FERMT2: variants seen among roughly 807,000 people sequenced by gnomAD.
FERMT2 encodes the protein FERM domain containing kindlin 2, also known as fermitin family homolog 2.
FERMT2 carries 15 observed loss-of-function variants against 82.7 expected under a neutral mutation model. That is an observed-to-expected ratio of 0.18 (90% CI 0.12 to 0.28). The LOEUF (loss-of-function observed/expected upper bound fraction) is 0.28, where lower values mean the gene tolerates loss of function less well. Among genes scored for constraint, FERMT2 ranks in the 10% least tolerant of loss-of-function variants. The pLI is 1.00. For synonymous variants in FERMT2, 274 were observed against 271.5 expected, an observed-to-expected ratio of 1.01 and a Z score of -0.09; for missense variants, 645 against 809.4, an observed-to-expected ratio of 0.80 and a Z score of 2.46.
chr14:52,917,529 CCT>C (rs1566749189), intron 3 of FERMT2, among the ~76,000 whole-genome samples: 1 of 151,714 alleles, frequency 6.6e-6, no homozygotes, highest in Non-Finnish European at 1.5e-5. Flanking sequence ...TAATAAAAAC[CCT>C]GTTTCACTTT....
intron 3 of FERMT2, among the ~76,000 whole-genome samples, chr14:52,916,266 C>T (rs757157184): frequency 6.6e-6 from 1 of 151,692 alleles, no homozygotes; most frequent in African/African-American, 2.4e-5. Context: ...ATTGCTTGAA[C>T]CCGGGAAGTG....
intron 2 of FERMT2, among the ~76,000 whole-genome samples, chr14:52,936,335 T>C (rs1007220289): frequency 3.9e-5 from 6 of 152,226 alleles, no homozygotes; most frequent in African/African-American, 1.4e-4. Flanking sequence ...AAATTATTTC[T>C]TGAAATCCAA....
intron 3 of FERMT2, among the ~76,000 whole-genome samples, chr14:52,913,067 C>T (rs892669269): frequency 3.3e-5 from 5 of 152,018 alleles, no homozygotes; most frequent in Admixed American, 1.3e-4. Context: ...ACAAATATTA[C>T]ATATTAAATT....
At chr14:52,938,920 T>C (rs1889968333) in intron 2 of FERMT2, among the ~76,000 whole-genome samples, 1 of 152,166 alleles carries the variant, frequency 6.6e-6, no homozygotes. Flanking sequence ...AGTGAGTCTA[T>C]AATTTTGTAT....
chr14:52,899,750 C>T (rs185905238), intron 3 of FERMT2, among the ~76,000 whole-genome samples: 182 of 152,246 alleles, frequency 1.2e-3, no homozygotes, highest in Non-Finnish European at 2.0e-3. Context: ...ACAAAGTAAA[C>T]CTAACTCTCC....
chr14:52,925,722 T>A (rs1433343298), intron 2 of FERMT2, among the ~76,000 whole-genome samples: 1 of 152,118 alleles, frequency 6.6e-6, no homozygotes, highest in Non-Finnish European at 1.5e-5. Context: ...CATTGCAACC[T>A]CCACTTCCCG....
At chr14:52,871,826 T>C (rs1331565383) in intron 10 of FERMT2, 1 of 152,366 alleles carries the variant, frequency 6.6e-6, no homozygotes, top group Non-Finnish European at 1.5e-5. Context: ...CAGACCCTAG[T>C]TCTGAGATAG....
chr14:52,898,163 A>T (rs1887411029), intron 3 of FERMT2, among the ~76,000 whole-genome samples: 1 of 152,172 alleles, frequency 6.6e-6, no homozygotes, highest in African/African-American at 2.4e-5. Context: ...AGGTAAATAT[A>T]ACTGCTCTTT....
chr14:52,858,295 C>CT lies in FERMT2; in HGVS notation c.*81dup. 4 of 1,239,510 alleles carry CT rather than the reference C, an allele frequency of 3.2e-6. No homozygotes were observed. The highest frequency in any genetic ancestry group is 2.1e-5 in the Admixed American group (1 of 48,746). The allele number at this position is 1,239,510 out of a possible 1,614,324, so 76.8% of individuals were successfully genotyped here. On this transcript the variant is annotated 3_prime_UTR_variant, in exon 15 of 15. Coordinates refer to ENST00000341590, the MANE Select transcript of FERMT2 (RefSeq NM_006832.3). Reference sequence around the variant, plus strand: ...GATAAAATGATAAATTTCAAGCTTACTTTATTAAGCAGCATATAACAAACA... The same window carrying CT: ...GATAAAATGATAAATTTCAAGCTTACTTTTATTAAGCAGCATATAACAAACA...
intron 2 of FERMT2, among the ~76,000 whole-genome samples, chr14:52,930,668 T>C (rs1566757590): frequency 6.6e-6 from 1 of 152,134 alleles, no homozygotes; most frequent in Non-Finnish European, 1.5e-5. Context: ...CCAGATACAA[T>C]TTGTTGTTGT....
At chr14:52,907,244 C>G (rs968973141) in intron 3 of FERMT2, among the ~76,000 whole-genome samples, 2 of 152,082 alleles carry the variant, frequency 1.3e-5, no homozygotes, top group African/African-American at 4.8e-5. Context: ...AACCCCTGGG[C>G]TCAGGTGATC....
intron 4 of FERMT2, among the ~76,000 whole-genome samples, chr14:52,883,987 A>ATT (rs1413873114): frequency 2.0e-5 from 3 of 152,226 alleles, no homozygotes; most frequent in Non-Finnish European, 4.4e-5. Flanking sequence ...CTGTGAGCCA[A>ATT]TTAAACCTCT....
intron 2 of FERMT2, among the ~76,000 whole-genome samples, chr14:52,948,817 C>T (rs1890480661): frequency 6.6e-6 from 1 of 152,010 alleles, no homozygotes; most frequent in Non-Finnish European, 1.5e-5. Flanking sequence ...CCTTTTTTTG[C>T]AATATAAAAA....
At chr14:52,915,907 C>A (rs1188740725) in intron 3 of FERMT2, among the ~76,000 whole-genome samples, 2 of 152,142 alleles carry the variant, frequency 1.3e-5, no homozygotes, top group African/African-American at 4.8e-5. Context: ...GAAGAATGGA[C>A]GAACAGACAT....
intron 2 of FERMT2, among the ~76,000 whole-genome samples, chr14:52,929,145 CTTA>C (rs1889446950): frequency 6.6e-6 from 1 of 152,132 alleles, no homozygotes; most frequent in Non-Finnish European, 1.5e-5. Context: ...TATCCCTACT[CTTA>C]TTATACTAAC....
In FERMT2 at chr14:52,875,367, G is replaced by T. The variant is rs770246548; in HGVS notation, c.964-10C>A. 4.5e-6 allele frequency: 7 copies of T among 1,553,638 alleles called. No individual in the cohort carries two copies. The highest frequency in any genetic ancestry group is 4.4e-6 in the Non-Finnish European group (5 of 1,135,796). On this transcript the variant is annotated splice_polypyrimidine_tract_variant and intron_variant, in intron 7 of 14. Transcript: ENST00000341590. ...GCTTATTGATATGATACTGAAACCA[G>T]AATTATTTTATTAAAATAATTGCTA...
Position 52,872,849 on chromosome 14 carries a change from T to C in FERMT2, c.1223A>G (p.Lys408Arg). 6.2e-7 allele frequency: 1 copy of C among 1,613,980 alleles called. No individual in the cohort carries two copies. Among genetic ancestry groups the C allele is most frequent in the Non-Finnish European group, 8.5e-7 (1 of 1,179,888 alleles). Reference protein sequence around the residue: ...TFKDTSISCYKSKEESSGTPA... With the variant: ...TFKDTSISCYRSKEESSGTPA... ...TGTGCCACTGGATTCTTCTTTGCTC[T>C]TATAACAAGAAATGGATGTGTCTTT... The change falls in exon 10 of 15, where the codon AAG becomes AGG. Residue 408 changes from lysine (K) to arginine (R), a missense_variant. By Grantham distance (26) the Lys-to-Arg change is conservative. Transcript: ENST00000341590.
Position 52,889,549 on chromosome 14 carries a change from C to CA in FERMT2, c.526+3743dup, listed in dbSNP as rs373318405. On this transcript the variant is annotated intron_variant, in intron 4 of 14. Coordinates refer to ENST00000341590, the MANE Select transcript of FERMT2 (RefSeq NM_006832.3). The stretch of plus-strand genomic sequence containing the variant: ...CAGGAACAGCCCAATGATGCAATGA[C>CA]AAAGGTGCAAGTTAGTACAGTCATG... Among the ~76,000 whole-genome samples, 405 of 152,278 alleles carry CA rather than the reference C, an allele frequency of 2.7e-3. 3 individuals carry two copies. The highest frequency in any genetic ancestry group is 9.1e-3 in the African/African-American group (380 of 41,560).
At chr14:52,889,458 T>C (rs928403716) in intron 4 of FERMT2, among the ~76,000 whole-genome samples, 2 of 151,972 alleles carry the variant, frequency 1.3e-5, no homozygotes, top group African/African-American at 4.8e-5. Flanking sequence ...GAAGCCAAGA[T>C]TGGGGAGTGT....
Sources: allele counts gnomAD v4.1 joint callset (sites outside exome capture counted in the v4.1 genomes callset), GRCh38; gene constraint gnomAD v4.1.1; transcripts MANE v1.5; gene names NCBI Gene and HGNC (gene_info 2026-07-23, HGNC 2026-07-21).